Variants in SNX2 observed in about 807,000 individuals in gnomAD.
SNX2 encodes the protein sorting nexin-2.
In SNX2, 25 loss-of-function variants were observed where a neutral mutation model predicts 69.9. The observed-to-expected ratio is 0.36, with a 90% confidence interval of 0.26 to 0.50. The LOEUF is 0.50. Among genes scored for constraint, SNX2 ranks in the 20% least tolerant of loss-of-function variants. SNX2 has a pLI of 0.97. For missense variants in SNX2, 551 were observed against 613.3 expected (o/e 0.90, Z 1.07); for synonymous variants, 229 against 200.4 (o/e 1.14, Z -1.20).
intron 1 of SNX2, among the ~76,000 whole-genome samples, chr5:122,777,004 G>A (rs1171348226): frequency 6.6e-6 from 1 of 152,148 alleles, no homozygotes; most frequent in Non-Finnish European, 1.5e-5. Flanking sequence ...CTAATTTTCA[G>A]AAGGTGGTGT....
intron 5 of SNX2, 59 bp from the exon 6 acceptor site, chr5:122,803,413 T>G: frequency 2.0e-6 from 3 of 1,509,438 alleles, no homozygotes; most frequent in Non-Finnish European, 2.7e-6. Context: ...TGTATAACAT[T>G]AACTTGTGGA....
chr5:122,826,397 A>G (rs1754150841), intron 12 of SNX2, among the ~76,000 whole-genome samples: 1 of 152,082 alleles, frequency 6.6e-6, no homozygotes, highest in African/African-American at 2.4e-5. Flanking sequence ...TGGATAAAGA[A>G]GCATACAAGG....
intron 9 of SNX2, 74 bp downstream of exon 9, chr5:122,817,102 A>G: frequency 8.3e-7 from 1 of 1,211,548 alleles, no homozygotes; most frequent in South Asian, 1.3e-5. Flanking sequence ...AAGCTGTACA[A>G]GTGGAAAATA....
chr5:122,778,485 G>A (rs191071737), intron 1 of SNX2, among the ~76,000 whole-genome samples: 6 of 152,112 alleles, frequency 3.9e-5, no homozygotes, highest in Admixed American at 3.9e-4. Context: ...GCTAGCATTT[G>A]TTATTTTTTG....
At chr5:122,776,311 C>T (rs1581619594) in intron 1 of SNX2, among the ~76,000 whole-genome samples, 1 of 152,142 alleles carries the variant, frequency 6.6e-6, no homozygotes, top group East Asian at 1.9e-4. Flanking sequence ...TCACATTCTG[C>T]TAATTGTATA....
Position 122,815,947 on chromosome 5 carries a change from A to G in SNX2, c.774A>G (p.Leu258=). The part of the protein sequence containing the change: ...KHPTLLQDPD[L]RQFLESSELP... ...CAACTTTACTACAGGATCCTGATTT[A>G]AGGCAGTTCTTGGAAAGTTCAGAGG... Residue 258 remains leucine, a synonymous_variant, in exon 8 of 15, where the codon TTA becomes TTG. Coordinates refer to ENST00000379516, the MANE Select transcript of SNX2 (RefSeq NM_003100.4). The G allele has an allele frequency of 1.2e-6, 2 of 1,600,410 alleles. No individual in the cohort carries two copies. The highest frequency in any genetic ancestry group is 1.1e-5 in the South Asian group (1 of 88,518).
intron 7 of SNX2, among the ~76,000 whole-genome samples, chr5:122,813,688 G>C (rs1169367048): frequency 1.3e-5 from 2 of 151,364 alleles, no homozygotes; most frequent in Non-Finnish European, 2.9e-5. Context: ...GTATTCTACA[G>C]AACTCACTTT....
intron 13 of SNX2, 48 bp downstream of exon 13, chr5:122,827,507 G>A (rs779385445): frequency 6.2e-7 from 1 of 1,603,486 alleles, no homozygotes; most frequent in Non-Finnish European, 8.5e-7. Context: ...GTCACATTTT[G>A]CTGCAATTTT....
intron 1 of SNX2, among the ~76,000 whole-genome samples, chr5:122,777,543 A>G (rs1310095101): frequency 1.3e-5 from 2 of 152,242 alleles, no homozygotes; most frequent in Non-Finnish European, 2.9e-5. Flanking sequence ...TATTATTCAT[A>G]TAGGAACTTT....
intron 14 of SNX2, 143 bp downstream of exon 14, chr5:122,827,789 A>C: frequency 1.5e-6 from 1 of 650,818 alleles, no homozygotes; most frequent in Non-Finnish European, 2.7e-6. Flanking sequence ...GTAAAGGATA[A>C]AAGGGTAAAC....
chr5:122,786,324 T>C (rs1298240813), intron 1 of SNX2, among the ~76,000 whole-genome samples: 1 of 152,180 alleles, frequency 6.6e-6, no homozygotes, highest in African/African-American at 2.4e-5. Flanking sequence ...AATGGGTATA[T>C]TTAGGCTATT....
intron 1 of SNX2, among the ~76,000 whole-genome samples, chr5:122,781,380 AT>A (rs1242820097): frequency 6.6e-6 from 1 of 152,148 alleles, no homozygotes; most frequent in African/African-American, 2.4e-5. Context: ...TTAGTATTCC[AT>A]TGTTTGTATG....
rs548296103 is a variant in SNX2 at position 122,790,535 on chromosome 5, A to T, written c.109-4731A>T. Among the ~76,000 whole-genome samples, 45 of 152,282 alleles carry T rather than the reference A, an allele frequency of 3.0e-4. 1 individual carries two copies. In the South Asian group the frequency reaches 9.3e-3, roughly 32 times the overall value. On this transcript the variant is annotated intron_variant, in intron 1 of 14. Coordinates refer to ENST00000379516, the MANE Select transcript of SNX2 (RefSeq NM_003100.4). ...ATCTGACAACCCATTTTTCCCAATG[A>T]GTGGTCAAAGAGAAAGGGTAAGCAC...
At chr5:122,821,265 G>T (rs1283275145) in intron 11 of SNX2, among the ~76,000 whole-genome samples, 5 of 152,130 alleles carry the variant, frequency 3.3e-5, no homozygotes, top group African/African-American at 1.2e-4. Context: ...TTAGGTTCTT[G>T]TGTGTCTTTA....
chr5:122,786,307 GT>G (rs1212103308), intron 1 of SNX2, among the ~76,000 whole-genome samples: 9 of 152,012 alleles, frequency 5.9e-5, no homozygotes, highest in African/African-American at 2.2e-4. Context: ...AGCCATCTCT[GT>G]TTCCTAATGG....
At position 122,833,338 on chromosome 5, in the gene SNX2, G is replaced by A. The variant is rs1349513295; in HGVS notation, c.*3690G>A. The A allele has an allele frequency of 6.6e-6, 1 of 152,040 alleles. No homozygotes were observed. Among genetic ancestry groups the A allele is most frequent in the Non-Finnish European group, 1.5e-5 (1 of 68,008 alleles). The allele number at this position is 152,040 out of a possible 1,614,324, so 9.4% of individuals were successfully genotyped here. On this transcript the variant is annotated 3_prime_UTR_variant, in exon 15 of 15. Coordinates refer to ENST00000379516, the MANE Select transcript of SNX2 (RefSeq NM_003100.4). ...TAGGTCATGGTAATCTATGGAGAAG[G>A]TCCTTAAGAGCATAGAACAATATAA...
rs571129371 is a variant in SNX2 at position 122,788,617 on chromosome 5, C to G, written c.109-6649C>G. On this transcript the variant is annotated intron_variant, in intron 1 of 14. Transcript: ENST00000379516. ...TTCTATGGATTTATTTTCAGTTGCA[C>G]TAACACTTTGCTCTTCAATAGCAAT... 3.3e-5 allele frequency among the ~76,000 whole-genome samples: 5 copies of G among 152,300 alleles called. No individual in the cohort carries two copies. The South Asian group carries it at 6.2e-4, about 19-fold the overall frequency.
chr5:122,824,070 C>T (rs35548005), intron 11 of SNX2, among the ~76,000 whole-genome samples: 4 of 151,808 alleles, frequency 2.6e-5, no homozygotes, highest in Non-Finnish European at 2.9e-5. Context: ...GGCATGGTGG[C>T]GGGTGCCTGT....
At chr5:122,784,528 C>T (rs1335276104) in intron 1 of SNX2, among the ~76,000 whole-genome samples, 6 of 150,370 alleles carry the variant, frequency 4.0e-5, no homozygotes, top group Admixed American at 2.0e-4. Context: ...TTTTTTAAGC[C>T]CCACCCTCAG....
Sources: gnomAD v4.1 joint callset for allele counts (sites outside exome capture counted in the v4.1 genomes callset) on GRCh38, gnomAD v4.1.1 for gene constraint, MANE v1.5 for transcripts, NCBI Gene and HGNC (gene_info 2026-07-23, HGNC 2026-07-21) for gene names.